FANK1: variants seen among roughly 807,000 people sequenced by gnomAD.
FANK1 encodes fibronectin type 3 and ankyrin repeat domains protein 1.
Under a neutral mutation model 45.3 loss-of-function variants are expected in FANK1, and 44 were observed. The ratio of observed to expected loss-of-function variants is 0.97; its 90% CI spans 0.76 to 1.25. FANK1 has a LOEUF of 1.25. Ranked by LOEUF, FANK1 falls within the 50% of genes most tolerant of loss-of-function variation. FANK1 has a pLI of 0.00. For synonymous variants in FANK1, 149 were observed against 152.5 expected (o/e 0.98, Z 0.17); for missense variants, 391 against 424.4 (o/e 0.92, Z 0.69).
intron 6 of FANK1, among the ~76,000 whole-genome samples, chr10:126,002,776 T>TC (rs1173754053): frequency 4.6e-5 from 7 of 150,870 alleles, no homozygotes; most frequent in Non-Finnish European, 1.0e-4. Context: ...TTTTTTTTTT[T>TC]TTTTTTTCAT....
At chr10:125,962,665 C>T (rs565594464) in intron 1 of FANK1, among the ~76,000 whole-genome samples, 1 of 151,944 alleles carries the variant, frequency 6.6e-6, no homozygotes, top group East Asian at 1.9e-4. Flanking sequence ...TAAAATATTA[C>T]AATGCTCATG....
At chr10:125,979,954 G>T (rs1364593105) in intron 1 of FANK1, 3 of 634,528 alleles carry the variant, frequency 4.7e-6, no homozygotes, top group African/African-American at 3.6e-5. Context: ...ATATATGCTT[G>T]TTGAAGACTG....
chr10:125,958,634 C>T (rs1949729503), intron 1 of FANK1, among the ~76,000 whole-genome samples: 1 of 152,192 alleles, frequency 6.6e-6, no homozygotes, highest in Non-Finnish European at 1.5e-5. Context: ...CTTTTCTCTA[C>T]ATCCTCACTA....
At chr10:126,007,198 T>C (rs1953282664) in intron 7 of FANK1, 1 of 152,218 alleles carries the variant, frequency 6.6e-6, no homozygotes, top group Non-Finnish European at 1.5e-5. Context: ...GATCATATAC[T>C]AAGAGTGACT....
intron 7 of FANK1, among the ~76,000 whole-genome samples, chr10:126,005,307 C>CTTTTT (rs35163273): frequency 4.1e-5 from 5 of 122,298 alleles, no homozygotes; most frequent in African/African-American, 1.5e-4. Flanking sequence ...TACTTTCTTT[C>CTTTTT]TTTTTTTTTT....
chr10:125,936,410 C>G (rs929489257), intron 1 of FANK1, among the ~76,000 whole-genome samples: 59 of 146,234 alleles, frequency 4.0e-4, no homozygotes, highest in Non-Finnish European at 7.3e-4. Context: ...CAAAGTGAAC[C>G]CACTGGAGCG....
In FANK1 at chr10:126,003,699, A is replaced by G. The variant is rs112614289; in HGVS notation, c.540-1185A>G. The stretch of plus-strand genomic sequence containing the variant: ...ATTTATTTTTTTTATTTTTTGAGAC[A>G]GAGTCTTGCTCTCTCTCCCAGGTTG... On this transcript the variant is annotated intron_variant, in intron 6 of 10. Coordinates refer to ENST00000368693, the MANE Select transcript of FANK1 (RefSeq NM_145235.5). 5.0e-3 allele frequency among the ~76,000 whole-genome samples: 755 copies of G among 151,828 alleles called. 7 individuals carry two copies. The highest frequency in any genetic ancestry group is 0.017 in the African/African-American group (689 of 41,424).
chr10:126,008,986 C>T, intron 8 of FANK1, 68 bp from the exon 9 acceptor site: 8 of 1,485,622 alleles, frequency 5.4e-6, no homozygotes, highest in South Asian at 4.7e-5. Flanking sequence ...GTGCCAGGCT[C>T]ATGCCCCCTG....
chr10:125,930,472 G>T (rs115346208), intron 1 of FANK1, among the ~76,000 whole-genome samples: 3 of 151,704 alleles, frequency 2.0e-5, no homozygotes, highest in Non-Finnish European at 4.4e-5. Flanking sequence ...GAGCAGCTGG[G>T]ACAGCAGGCA....
intron 1 of FANK1, among the ~76,000 whole-genome samples, chr10:125,962,543 T>A (rs1949987655): frequency 6.6e-6 from 1 of 152,224 alleles, no homozygotes; most frequent in Admixed American, 6.5e-5. Context: ...TGTCAGTTTT[T>A]AAAATTGCTA....
chr10:125,903,328 G>A (rs1457900793), intron 1 of FANK1, among the ~76,000 whole-genome samples: 1 of 152,254 alleles, frequency 6.6e-6, no homozygotes, highest in African/African-American at 2.4e-5. Context: ...ACTCACACCA[G>A]TGCTCTGTGC....
chr10:125,916,551 A>G (rs1229251830), intron 1 of FANK1, among the ~76,000 whole-genome samples: 1 of 152,192 alleles, frequency 6.6e-6, no homozygotes, highest in Non-Finnish European at 1.5e-5. Flanking sequence ...ATAATAGCCA[A>G]AGGGTGGAAG....
At chr10:125,933,895 G>A (rs1213585058) in intron 1 of FANK1, among the ~76,000 whole-genome samples, 1 of 152,108 alleles carries the variant, frequency 6.6e-6, no homozygotes, top group Middle Eastern at 3.2e-3. Flanking sequence ...TTGACCCAGT[G>A]CTCATTCAGG....
intron 3 of FANK1, among the ~76,000 whole-genome samples, chr10:125,989,024 G>A (rs983614812): frequency 7.2e-5 from 11 of 152,190 alleles, no homozygotes; most frequent in Admixed American, 6.5e-5. Flanking sequence ...CTGCCTGAGC[G>A]TCCTTGGGCA....
At chr10:125,911,247 C>G (rs1202678458) in intron 1 of FANK1, among the ~76,000 whole-genome samples, 1 of 152,010 alleles carries the variant, frequency 6.6e-6, no homozygotes, top group Non-Finnish European at 1.5e-5. Context: ...GTGGTGGTTG[C>G]AGTGATACAC....
At chr10:125,907,236 G>T (rs933883731) in intron 1 of FANK1, among the ~76,000 whole-genome samples, 6 of 152,106 alleles carry the variant, frequency 3.9e-5, no homozygotes, top group African/African-American at 1.4e-4. Flanking sequence ...GTATCTGTAG[G>T]ATCTATAGTG....
intron 1 of FANK1, among the ~76,000 whole-genome samples, chr10:125,964,186 CTTTTTTTTTTTTTT>C (rs71486557): frequency 1.3e-5 from 1 of 78,392 alleles, no homozygotes; most frequent in African/African-American, 5.4e-5. Context: ...TTCTCTCTCT[CTTTTTTTTTTTTTT>C]TTTTTTTTTT....
At chr10:125,903,989 A>G (rs1182845112) in intron 1 of FANK1, among the ~76,000 whole-genome samples, 1 of 151,990 alleles carries the variant, frequency 6.6e-6, no homozygotes, top group East Asian at 1.9e-4. Flanking sequence ...AGCTGGGACC[A>G]CAGAATGTGA....
chr10:125,919,998 A>G (rs1393234971), intron 1 of FANK1, among the ~76,000 whole-genome samples: 1 of 152,182 alleles, frequency 6.6e-6, no homozygotes. Flanking sequence ...GCTACAATCA[A>G]TATTAATTCC....
Sources: allele counts gnomAD v4.1 joint callset (sites outside exome capture counted in the v4.1 genomes callset), GRCh38; gene constraint gnomAD v4.1.1; transcripts MANE v1.5; gene names NCBI Gene and HGNC (gene_info 2026-07-23, HGNC 2026-07-21).